RBFOX2: variants seen among roughly 807,000 people sequenced by gnomAD.
RBFOX2 encodes RNA binding protein fox-1 homolog 2.
A neutral mutation model predicts 49.1 loss-of-function variants in RBFOX2; 10 were observed. That is an observed-to-expected ratio of 0.20 (90% confidence interval 0.13 to 0.35). The LOEUF (loss-of-function observed/expected upper bound fraction) is 0.35, where lower values mean the gene tolerates loss of function less well. Ranked by LOEUF, RBFOX2 falls within the 10% of genes least tolerant of loss-of-function variation. The pLI, the probability that RBFOX2 is intolerant of heterozygous loss-of-function variation, is 1.00. For synonymous variants in RBFOX2, 183 were observed against 187.4 expected, an observed-to-expected ratio of 0.98 and a Z score of 0.19; for missense variants, 323 against 486.9, an observed-to-expected ratio of 0.66 and a Z score of 3.17.
intron 1 of RBFOX2, among the ~76,000 whole-genome samples, chr22:36,016,318 G>C (rs771981136): frequency 2.0e-5 from 3 of 152,152 alleles, no homozygotes; most frequent in Non-Finnish European, 2.9e-5. Flanking sequence ...CCCAGGCCCT[G>C]TCTGTAGTTC....
exon 6 of RBFOX2, chr22:35,765,441 C>T: frequency 6.6e-7 from 1 of 1,519,182 alleles, no homozygotes; most frequent in East Asian, 2.3e-5. Context: ...TATGGTGTGA[C>T]CATCTTCTTA....
chr22:35,966,103 T>C (rs1169812138), upstream of RBFOX2, among the ~76,000 whole-genome samples: 4 of 152,238 alleles, frequency 2.6e-5, no homozygotes, highest in African/African-American at 9.6e-5. Context: ...TCTGCCTGTT[T>C]TGAAGTTTGT....
chr22:35,774,774 G>T (rs923772136), intron 4 of RBFOX2, among the ~76,000 whole-genome samples: 4 of 152,134 alleles, frequency 2.6e-5, no homozygotes, highest in African/African-American at 9.7e-5. Context: ...GTGGAACACC[G>T]TTTACTTATG....
intron 9 of RBFOX2, chr22:35,747,628 T>C (rs969028431): frequency 8.5e-5 from 13 of 152,224 alleles, no homozygotes; most frequent in African/African-American, 3.1e-4. Flanking sequence ...AGTGGCAAAC[T>C]CTACTTTTTA....
At chr22:35,885,826 A>C (rs1428491754) in intron 1 of RBFOX2, among the ~76,000 whole-genome samples, 2 of 149,808 alleles carry the variant, frequency 1.3e-5, no homozygotes, top group Non-Finnish European at 3.0e-5. Flanking sequence ...ATTTGGGTTA[A>C]GTGAAACCCA....
At position 35,746,568 on chromosome 22, in the gene RBFOX2, G is replaced by A; in HGVS notation, c.888-7C>T. 6.4e-7 allele frequency: 1 copy of A among 1,553,012 alleles called. No homozygotes were observed. Among genetic ancestry groups the A allele is most frequent in the Non-Finnish European group, 8.8e-7 (1 of 1,142,400 alleles). Reference sequence around the variant, plus strand: ...TGTAGGCTGCATATCCACCCTACAGGAGAGAAGAGAACTGACTTTACAGAT... The same window carrying A: ...TGTAGGCTGCATATCCACCCTACAGAAGAGAAGAGAACTGACTTTACAGAT... On this transcript the variant is annotated splice_polypyrimidine_tract_variant and splice_region_variant and intron_variant, in intron 9 of 11. Coordinates refer to ENST00000405409, the Ensembl canonical transcript of RBFOX2.
At chr22:36,014,188 C>G (rs986005980) in intron 1 of RBFOX2, among the ~76,000 whole-genome samples, 2 of 150,986 alleles carry the variant, frequency 1.3e-5, no homozygotes. Context: ...GTGGCGCAAT[C>G]GCGGCTCACT....
Position 35,898,064 on chromosome 22 carries a change from C to G in RBFOX2, c.-34+40783G>C, listed in dbSNP as rs544574016. 2.1e-4 allele frequency: 155 copies of G among 730,718 alleles called. 2 individuals carry two copies. The highest frequency in any genetic ancestry group is 2.1e-3 in the South Asian group (150 of 71,694). The allele number at this position is 730,718 out of a possible 1,614,324, so 45.3% of individuals were successfully genotyped here. On this transcript the variant is annotated intron_variant, in intron 1 of 13. Transcript: ENST00000359369. Reference sequence around the variant, plus strand: ...TGTTCCACTACTCGTCAGATAGAATCTTTATCTCTCGCGTCCCATTCCAGA... The same window carrying G: ...TGTTCCACTACTCGTCAGATAGAATGTTTATCTCTCGCGTCCCATTCCAGA...
At chr22:35,787,999 C>T (rs1946771225) in intron 2 of RBFOX2, among the ~76,000 whole-genome samples, 1 of 152,164 alleles carries the variant, frequency 6.6e-6, no homozygotes, top group Non-Finnish European at 1.5e-5. Context: ...GCTGAGCTAG[C>T]CATCAACACT....
intron 1 of RBFOX2, among the ~76,000 whole-genome samples, chr22:36,025,288 A>C (rs899409904): frequency 2.0e-5 from 3 of 151,976 alleles, no homozygotes; most frequent in Non-Finnish European, 2.9e-5. Flanking sequence ...CTCTACCTGA[A>C]CCCTCTTTCC....
At chr22:36,027,698 TTC>T (rs1291467035) in intron 1 of RBFOX2, among the ~76,000 whole-genome samples, 1 of 152,180 alleles carries the variant, frequency 6.6e-6, no homozygotes, top group Non-Finnish European at 1.5e-5. Context: ...CTCCTTGTAC[TTC>T]TCACACTCTG....
chr22:35,774,907 C>G (rs530538916), intron 4 of RBFOX2, among the ~76,000 whole-genome samples: 30 of 152,104 alleles, frequency 2.0e-4, no homozygotes, highest in African/African-American at 7.2e-4. Flanking sequence ...TTAAGTATTG[C>G]TATCTTAGAG....
exon 8 of RBFOX2, chr22:35,761,287 G>A: frequency 6.2e-7 from 1 of 1,614,158 alleles, no homozygotes. Context: ...CTGCTTGAAA[G>A]CTGGATGCTG....
intron 1 of RBFOX2, among the ~76,000 whole-genome samples, chr22:35,892,430 C>A (rs1233547686): frequency 6.6e-5 from 10 of 152,170 alleles, no homozygotes; most frequent in Non-Finnish European, 1.5e-4. Context: ...CACAAGATAG[C>A]ATTCTATCTC....
intron 1 of RBFOX2, among the ~76,000 whole-genome samples, chr22:35,852,627 G>C (rs1170203632): frequency 6.6e-6 from 1 of 152,030 alleles, no homozygotes; most frequent in Non-Finnish European, 1.5e-5. Flanking sequence ...AGCAGGATGG[G>C]CCACATATAC....
intron 1 of RBFOX2, among the ~76,000 whole-genome samples, chr22:35,828,870 C>T (rs988256914): frequency 1.2e-4 from 18 of 151,858 alleles, no homozygotes; most frequent in African/African-American, 3.6e-4. Flanking sequence ...GCTAACACAG[C>T]GAAACCCCAT....
chr22:35,871,660 A>C (rs548801814), intron 1 of RBFOX2, among the ~76,000 whole-genome samples: 1 of 152,334 alleles, frequency 6.6e-6, no homozygotes, highest in Non-Finnish European at 1.5e-5. Flanking sequence ...GAATACCATC[A>C]AACTCAAAGC....
At chr22:35,944,213 T>C (rs569925512) in intron 1 of RBFOX2, among the ~76,000 whole-genome samples, 7 of 152,140 alleles carry the variant, frequency 4.6e-5, no homozygotes, top group Non-Finnish European at 7.4e-5. Flanking sequence ...ACTACAGGAC[T>C]TCAGAAGATC....
intron 1 of RBFOX2, among the ~76,000 whole-genome samples, chr22:35,910,275 G>C (rs2049646733): frequency 6.6e-6 from 1 of 152,150 alleles, no homozygotes; most frequent in Admixed American, 6.5e-5. Context: ...GTACTCTATG[G>C]TCAAATTAAC....
Sources: allele counts gnomAD v4.1 joint callset (sites outside exome capture counted in the v4.1 genomes callset), GRCh38; gene constraint gnomAD v4.1.1; transcripts MANE v1.5; gene names NCBI Gene and HGNC (gene_info 2026-07-23, HGNC 2026-07-21).